ARHGAP39: variants seen among roughly 807,000 people sequenced by gnomAD.
The protein encoded by ARHGAP39 is Rho GTPase activating protein 39.
In ARHGAP39, 44 loss-of-function variants were observed where a neutral mutation model predicts 106.9. That is an observed-to-expected ratio of 0.41 (90% confidence interval 0.32 to 0.53). ARHGAP39 has a LOEUF of 0.53. Ranked by LOEUF, ARHGAP39 falls within the 20% of genes least tolerant of loss-of-function variation. The pLI is 0.21. For missense variants in ARHGAP39, 1,496 were observed against 1,577.3 expected (o/e 0.95, Z 0.87); for synonymous variants, 768 against 693.2 (o/e 1.11, Z -1.69).
chr8:144,627,164 T>C (rs1820939911), intron 1 of ARHGAP39, among the ~76,000 whole-genome samples: 3 of 152,198 alleles, frequency 2.0e-5, no homozygotes, highest in Admixed American at 2.0e-4. Context: ...GCCATCCCAG[T>C]GTCTGCAGCT....
At chr8:144,535,968 G>A (rs1275898296) in intron 7 of ARHGAP39, among the ~76,000 whole-genome samples, 3 of 152,212 alleles carry the variant, frequency 2.0e-5, no homozygotes, top group African/African-American at 7.2e-5. Flanking sequence ...CACTCTGGGG[G>A]TCAGGCTGCC....
At chr8:144,603,625 G>A (rs537673082) in intron 2 of ARHGAP39, among the ~76,000 whole-genome samples, 5 of 150,430 alleles carry the variant, frequency 3.3e-5, no homozygotes, top group Non-Finnish European at 7.4e-5. Flanking sequence ...GGGAGGCGGA[G>A]CTTGCATTGA....
chr8:144,607,884 C>CGGTG (rs1820352257), intron 1 of ARHGAP39, among the ~76,000 whole-genome samples: 1 of 152,228 alleles, frequency 6.6e-6, no homozygotes, highest in South Asian at 2.1e-4. Context: ...AGGCCGGGCG[C>CGGTG]GGTGGCTCAT....
intron 1 of ARHGAP39, among the ~76,000 whole-genome samples, chr8:144,620,088 G>A (rs566958089): frequency 1.3e-4 from 16 of 124,372 alleles, no homozygotes; most frequent in African/African-American, 4.1e-4. Flanking sequence ...CCGAGTGTGC[G>A]TTGAGCCTGT....
At chr8:144,584,580 T>C (rs1819113266) in intron 2 of ARHGAP39, among the ~76,000 whole-genome samples, 1 of 152,082 alleles carries the variant, frequency 6.6e-6, no homozygotes, top group Admixed American at 6.5e-5. Context: ...CTGGTCAACA[T>C]GGTGAAACCC....
At chr8:144,635,313 G>A (rs1369232748) in intron 1 of ARHGAP39, among the ~76,000 whole-genome samples, 2 of 152,164 alleles carry the variant, frequency 1.3e-5, no homozygotes, top group East Asian at 1.9e-4. Flanking sequence ...AAGCAATCAT[G>A]CCTATGTAAT....
At chr8:144,576,674 C>A (rs113346823) in intron 3 of ARHGAP39, among the ~76,000 whole-genome samples, 6 of 152,352 alleles carry the variant, frequency 3.9e-5, no homozygotes, top group African/African-American at 1.4e-4. Context: ...AATACCAATT[C>A]TCTGAGAAGT....
intron 1 of ARHGAP39, among the ~76,000 whole-genome samples, chr8:144,669,527 A>AAAAAAAAAAT: frequency 7.3e-6 from 1 of 136,730 alleles, no homozygotes; most frequent in Admixed American, 7.3e-5. Context: ...AAAAAAAAAA[A>AAAAAAAAAAT]GATAAAAATT....
chr8:144,698,536 G>A, the ARHGAP39 span: 5 of 195,342 alleles, frequency 2.6e-5, no homozygotes, highest in Non-Finnish European at 3.2e-5. Context: ...AGGTTGGTGA[G>A]AGCTCAGCTG....
chr8:144,530,867 G>A lies in ARHGAP39; in HGVS notation c.2985C>T (p.Ser995=), dbSNP rs781166050. Residue 995 remains serine, a synonymous_variant, in exon 11 of 12, where the codon TCC becomes TCT. Coordinates refer to ENST00000377307, the MANE Select transcript of ARHGAP39 (RefSeq NM_025251.3). ...TGLEDPHVPA[S]LLKLWYRELE... is the part of the protein sequence containing the mutation. ...GCTCCCGGTACCACAGCTTCAGCAG[G>A]GACGCTGGGGACACAGCACGGGGCT... The A allele has an allele frequency of 6.2e-7, 1 of 1,608,120 alleles. No homozygotes were observed. The highest frequency in any genetic ancestry group is 2.2e-5 in the East Asian group (1 of 44,810).
At chr8:144,596,976 T>TCTAA (rs1404155968) in intron 2 of ARHGAP39, among the ~76,000 whole-genome samples, 2 of 152,074 alleles carry the variant, frequency 1.3e-5, no homozygotes, top group African/African-American at 4.8e-5. Flanking sequence ...GCAAGGCAGG[T>TCTAA]CTAACGCCAT....
At chr8:144,530,656 G>A in intron 11 of ARHGAP39, 40 bp from the exon 12 acceptor site, 5 of 1,517,318 alleles carry the variant, frequency 3.3e-6, no homozygotes, top group Non-Finnish European at 4.5e-6. Flanking sequence ...GGGCGGGGGC[G>A]GGGCGGGGAG....
At chr8:144,660,065 G>A (rs1288902197) in intron 1 of ARHGAP39, among the ~76,000 whole-genome samples, 1 of 152,076 alleles carries the variant, frequency 6.6e-6, no homozygotes, top group African/African-American at 2.4e-5. Flanking sequence ...ACCACCACAT[G>A]CACTTGCATT....
chr8:144,531,152 G>A (rs1166291730), intron 10 of ARHGAP39, among the ~76,000 whole-genome samples: 1 of 152,282 alleles, frequency 6.6e-6, no homozygotes, highest in Non-Finnish European at 1.5e-5. Context: ...CCGTGAGGGG[G>A]TGTCTGCAGA....
At chr8:144,619,470 G>A (rs945800367) in intron 1 of ARHGAP39, among the ~76,000 whole-genome samples, 18 of 152,060 alleles carry the variant, frequency 1.2e-4, no homozygotes, top group African/African-American at 3.6e-4. Context: ...GCGTGAGCTC[G>A]TGTGTCCCTG....
chr8:144,581,704 G>C (rs765582951), intron 2 of ARHGAP39, among the ~76,000 whole-genome samples: 11 of 152,210 alleles, frequency 7.2e-5, no homozygotes, highest in Non-Finnish European at 1.0e-4. Flanking sequence ...TCGGGGTCTG[G>C]AGGGGCCTCA....
intron 1 of ARHGAP39, among the ~76,000 whole-genome samples, chr8:144,672,309 C>A (rs182412206): frequency 6.6e-6 from 1 of 152,160 alleles, no homozygotes; most frequent in East Asian, 1.9e-4. Context: ...TCTGTGATCC[C>A]AGGGAATGCT....
In ARHGAP39 at chr8:144,547,297, C is replaced by T. The variant is rs745537238; in HGVS notation, c.1789G>A (p.Gly597Arg). The T allele has an allele frequency of 2.2e-5, 36 of 1,611,790 alleles. No individual in the cohort carries two copies. The highest frequency in any genetic ancestry group is 1.9e-5 in the Non-Finnish European group (22 of 1,179,568). The change falls in exon 5 of 12, where the codon GGG (glycine) becomes AGG (arginine). Residue 597 changes from glycine to arginine, a missense_variant. Coordinates refer to ENST00000377307, the MANE Select transcript of ARHGAP39 (RefSeq NM_025251.3). The surrounding 1 kb of genome is among the most constrained non-coding windows in gnomAD (Gnocchi z 5.2). ...SDGALPLPMP[G>R]PVVRAFSEDE... is the part of the protein sequence containing the mutation. Reference sequence around the variant, plus strand: ...TCGCTGAAGGCCCGCACCACCGGCCCGGGCATGGGCAGTGGCAGGGCGCCG... The same window carrying T: ...TCGCTGAAGGCCCGCACCACCGGCCTGGGCATGGGCAGTGGCAGGGCGCCG...
intron 2 of ARHGAP39, among the ~76,000 whole-genome samples, chr8:144,593,890 A>C (rs1586589635): frequency 6.6e-6 from 1 of 152,134 alleles, no homozygotes; most frequent in Non-Finnish European, 1.5e-5. Flanking sequence ...GGAGTTCAAG[A>C]CCAGTTTGGC....
Sources: allele counts gnomAD v4.1 joint callset (sites outside exome capture counted in the v4.1 genomes callset), GRCh38; gene constraint gnomAD v4.1.1; non-coding constraint Gnocchi (gnomAD v3.1); transcripts MANE v1.5; gene names NCBI Gene and HGNC (gene_info 2026-07-23, HGNC 2026-07-21).